CIROP: variants seen among roughly 807,000 people sequenced by gnomAD.
CIROP encodes the protein leishmanolysin homolog.
the CIROP span, chr14:23,102,514 C>G: frequency 2.9e-6 from 2 of 698,298 alleles, no homozygotes; most frequent in Non-Finnish European, 5.2e-6. Flanking sequence ...GAAGGCAGTA[C>G]GAGGAGAGGA....
chr14:23,104,368 C>T, the CIROP span: 1 of 702,396 alleles, frequency 1.4e-6, no homozygotes, highest in Non-Finnish European at 2.6e-6. Context: ...CATACATTGT[C>T]AACGACGTGA....
the CIROP span, chr14:23,100,533 C>A: frequency 2.4e-6 from 1 of 412,442 alleles, no homozygotes; most frequent in East Asian, 3.6e-5. Context: ...TTGGCTCCTC[C>A]ATGATACACT....
At chr14:23,101,925 G>T in the CIROP span, 2 of 701,508 alleles carry the variant, frequency 2.9e-6, no homozygotes, top group African/African-American at 3.5e-5. Context: ...CTTGACAGAT[G>T]AGAAGGAAAG....
chr14:23,104,249 C>T, the CIROP span: 1 of 662,970 alleles, frequency 1.5e-6, no homozygotes. Context: ...TCACCTTTGC[C>T]CCCAGGCAAC....
chr14:23,101,477 A>G, the CIROP span: 1 of 607,598 alleles, frequency 1.6e-6, no homozygotes, highest in East Asian at 2.7e-5. Context: ...AGGTTGGCAA[A>G]GAAGCAACGG....
At chr14:23,102,892 G>A in the CIROP span, 1 of 608,230 alleles carries the variant, frequency 1.6e-6, no homozygotes, top group Non-Finnish European at 2.9e-6. Context: ...CCTGCAACCT[G>A]TTTGCTTCTC....
At chr14:23,101,463 A>G in the CIROP span, 1 of 606,868 alleles carries the variant, frequency 1.6e-6, no homozygotes, top group Non-Finnish European at 2.9e-6. Context: ...GCAGCTGTGA[A>G]GTGAGGTTGG....
the CIROP span, chr14:23,100,872 C>T: frequency 7.5e-6 from 3 of 398,942 alleles, no homozygotes; most frequent in African/African-American, 4.1e-5. Flanking sequence ...CCTTTGCTCG[C>T]CAAAGCCTCC....
At chr14:23,104,368 C>A in the CIROP span, 1 of 702,514 alleles carries the variant, frequency 1.4e-6, no homozygotes, top group South Asian at 1.5e-5. Context: ...CATACATTGT[C>A]AACGACGTGA....
chr14:23,103,351 C>T, the CIROP span: 3 of 369,130 alleles, frequency 8.1e-6, no homozygotes, highest in African/African-American at 6.3e-5. Context: ...GAGTTTGAGA[C>T]ACAGCCTGGG....
the CIROP span, chr14:23,101,957 C>T: frequency 1.4e-6 from 1 of 701,320 alleles, no homozygotes. Context: ...CAAATGAAGC[C>T]CAAACATCCT....
the CIROP span, chr14:23,101,316 T>C: frequency 2.0e-6 from 1 of 512,794 alleles, no homozygotes; most frequent in Non-Finnish European, 3.4e-6. Flanking sequence ...CAGGAAGGCA[T>C]GGGACCCAAG....
the CIROP span, chr14:23,102,224 C>G: frequency 1.4e-6 from 1 of 703,008 alleles, no homozygotes; most frequent in East Asian, 2.7e-5. Flanking sequence ...ATTAAAGAAC[C>G]CTGGAGTAGT....
At chr14:23,101,530 G>C in the CIROP span, 1 of 649,870 alleles carries the variant, frequency 1.5e-6, no homozygotes, top group Non-Finnish European at 2.8e-6. Context: ...ATCCACCCCA[G>C]CAGGGAATCC....
At chr14:23,101,688 T>C in the CIROP span, 2 of 702,900 alleles carry the variant, frequency 2.8e-6, no homozygotes, top group Non-Finnish European at 5.2e-6. Flanking sequence ...TAAGGGCTTG[T>C]ACATGCGGCA....
the CIROP span, chr14:23,102,745 C>T: frequency 5.0e-5 from 35 of 702,768 alleles, no homozygotes; most frequent in African/African-American, 1.6e-4. Context: ...GTAAGGGGGC[C>T]GAATTTGCAG....
chr14:23,102,346 C>T, the CIROP span: 6 of 701,940 alleles, frequency 8.5e-6, no homozygotes, highest in Admixed American at 6.0e-5. Context: ...ATTCTCACCT[C>T]TTCTTCCAAG....
chr14:23,103,867 A>C, the CIROP span: 7 of 686,366 alleles, frequency 1.0e-5, no homozygotes, highest in Middle Eastern at 4.7e-4. Context: ...GAACAGTAGG[A>C]AATTGGGTAT....
chr14:23,104,186 G>A, the CIROP span: 69 of 603,640 alleles, frequency 1.1e-4, no homozygotes, highest in East Asian at 1.4e-3. Flanking sequence ...ATCTCTCTGC[G>A]TATCCCCCCA....
Sources: allele counts gnomAD v4.1 joint callset, GRCh38; gene constraint gnomAD v4.1.1; transcripts MANE v1.5; gene names NCBI Gene and HGNC (gene_info 2026-07-23, HGNC 2026-07-21).